SIPA1L1: variants seen among roughly 807,000 people sequenced by gnomAD.
SIPA1L1 encodes signal-induced proliferation-associated 1-like protein 1.
SIPA1L1 carries 26 observed loss-of-function variants against 162.7 expected under a neutral mutation model. The observed-to-expected ratio is 0.16, with a 90% CI of 0.12 to 0.22. The LOEUF is 0.22. Among genes scored for constraint, SIPA1L1 ranks in the 10% least tolerant of loss-of-function variants. SIPA1L1 has a pLI of 1.00. For synonymous variants in SIPA1L1, 829 were observed against 837.4 expected (o/e 0.99, Z 0.17); for missense variants, 1,874 against 2,241.0 (o/e 0.84, Z 3.31).
chr14:71,525,981 G>A (rs564809764), intron 3 of SIPA1L1, among the ~76,000 whole-genome samples: 1 of 152,158 alleles, frequency 6.6e-6, no homozygotes, highest in Admixed American at 6.5e-5. Flanking sequence ...ATCATAGCTC[G>A]TTCTCAAGTC....
intron 4 of SIPA1L1, among the ~76,000 whole-genome samples, chr14:71,546,085 G>GA (rs905920362): frequency 4.0e-5 from 6 of 150,012 alleles, no homozygotes; most frequent in African/African-American, 1.2e-4. Context: ...CCTGTCTCAG[G>GA]AAAAAAAAAG....
intron 2 of SIPA1L1, among the ~76,000 whole-genome samples, chr14:71,462,133 T>C (rs2046648519): frequency 6.6e-6 from 1 of 152,232 alleles, no homozygotes; most frequent in Non-Finnish European, 1.5e-5. Flanking sequence ...TCAGGTTGCA[T>C]GGTGACTTGA....
In SIPA1L1 at chr14:71,588,669, T is replaced by A; in HGVS notation, c.797T>A (p.Ile266Asn). The A allele has an allele frequency of 6.2e-7, 1 of 1,613,986 alleles. No homozygotes were observed. The highest frequency in any genetic ancestry group is 8.5e-7 in the Non-Finnish European group (1 of 1,179,960). Residue 266 changes from isoleucine to asparagine, a missense_variant, in exon 5 of 24, where the codon ATC becomes AAC. Physicochemically the swap from Ile to Asn is moderately radical, Grantham distance 149 (BLOSUM62 -3). Around this residue, in one of 5 missense-constraint regions of SIPA1L1, gnomAD observed 685 missense variants for 828.0 expected, o/e 0.83. Transcript: ENST00000381232. The surrounding 1 kb of genome is among the most constrained non-coding windows in gnomAD (Gnocchi z 4.3). ...TCTTTGGATGTAATAGACGGGCCTATCTCACAGAGAGAGAACCTCAGGCTT... is the reference window on the plus strand; with the variant it reads ...TCTTTGGATGTAATAGACGGGCCTAACTCACAGAGAGAGAACCTCAGGCTT... ...GFSLDVIDGP[I>N]SQRENLRLFK... is the part of the protein sequence containing the mutation.
intron 2 of SIPA1L1, among the ~76,000 whole-genome samples, chr14:71,365,244 G>A (rs1431010254): frequency 1.3e-5 from 2 of 151,776 alleles, no homozygotes; most frequent in African/African-American, 4.9e-5. Context: ...GAACTCCTGG[G>A]CTCAAGCAAT....
At chr14:71,525,860 A>T (rs2052813813) in intron 3 of SIPA1L1, among the ~76,000 whole-genome samples, 1 of 152,210 alleles carries the variant, frequency 6.6e-6, no homozygotes, top group African/African-American at 2.4e-5. Context: ...TACTTAGCAG[A>T]TTATGTTAAA....
At chr14:71,443,234 A>G (rs1384412980) in intron 2 of SIPA1L1, among the ~76,000 whole-genome samples, 1 of 152,080 alleles carries the variant, frequency 6.6e-6, no homozygotes, top group Non-Finnish European at 1.5e-5. Context: ...TCCATTTTAT[A>G]ATTTTGTAGT....
chr14:71,559,471 C>T (rs184139251), intron 4 of SIPA1L1, among the ~76,000 whole-genome samples: 2 of 152,292 alleles, frequency 1.3e-5, no homozygotes, highest in Non-Finnish European at 2.9e-5. Context: ...TGGCATTGGA[C>T]TCTCCCAGAA....
At chr14:71,472,560 T>G (rs915650615) in intron 2 of SIPA1L1, among the ~76,000 whole-genome samples, 14 of 151,980 alleles carry the variant, frequency 9.2e-5, no homozygotes, top group African/African-American at 3.4e-4. Flanking sequence ...TTGGGTGGTT[T>G]GTATAAGAAT....
In SIPA1L1 at chr14:71,516,872, C is replaced by T. The variant is rs887382887; in HGVS notation, c.-362+4027C>T. 1.8e-4 allele frequency among the ~76,000 whole-genome samples: 28 copies of T among 152,184 alleles called. 1 individual carries two copies. Among genetic ancestry groups the T allele is most frequent in the Admixed American group, 1.4e-3 (22 of 15,272 alleles). On this transcript the variant is annotated intron_variant, in intron 3 of 23. Transcript: ENST00000381232. ...CCTGTAATCCCAGCTACTCAGGAGG[C>T]GGAGTCAGGAGAATTGCTTGAACCT...
At chr14:71,595,001 C>T (rs10138557) in intron 5 of SIPA1L1, among the ~76,000 whole-genome samples, 125,875 of 152,170 alleles carry the variant, frequency 0.83, 52,559 homozygotes, top group East Asian at 0.94. Flanking sequence ...ACTGTGATCT[C>T]AAAGTCCCAG....
intron 2 of SIPA1L1, among the ~76,000 whole-genome samples, chr14:71,454,108 G>GATGATCTATGAACTCTC (rs2046021993): frequency 6.6e-6 from 1 of 150,404 alleles, no homozygotes; most frequent in African/African-American, 2.4e-5. Flanking sequence ...CAAACCCTGT[G>GATGATCTATGAACTCTC]TTCCCAGGTC....
chr14:71,446,216 G>A (rs149337791), intron 2 of SIPA1L1, among the ~76,000 whole-genome samples: 1 of 152,072 alleles, frequency 6.6e-6, no homozygotes, highest in East Asian at 1.9e-4. Context: ...GCTGATTTTA[G>A]CTAATTCAGA....
chr14:71,619,016 T>C, intron 6 of SIPA1L1, 129 bp downstream of exon 6: 1 of 928,186 alleles, frequency 1.1e-6, no homozygotes, highest in African/African-American at 1.7e-5. Flanking sequence ...AAAGTCCCCT[T>C]TCATTTATTC....
chr14:71,606,601 T>C (rs1176412925), intron 5 of SIPA1L1, among the ~76,000 whole-genome samples: 1 of 152,066 alleles, frequency 6.6e-6, no homozygotes, highest in African/African-American at 2.4e-5. Flanking sequence ...TTATGTTTGT[T>C]TCAGGGCCTG....
intron 2 of SIPA1L1, among the ~76,000 whole-genome samples, chr14:71,391,401 G>A (rs1230507750): frequency 6.6e-6 from 1 of 152,068 alleles, no homozygotes; most frequent in Admixed American, 6.5e-5. Flanking sequence ...CACCGCTCCC[G>A]GCCGCATTCA....
At chr14:71,506,764 TTCTC>T in intron 2 of SIPA1L1, among the ~76,000 whole-genome samples, 1 of 152,210 alleles carries the variant, frequency 6.6e-6, no homozygotes, top group Non-Finnish European at 1.5e-5. Flanking sequence ...GAATTTATAT[TTCTC>T]TATGAATTCT....
chr14:71,731,382 T>C (rs1223464439), intron 20 of SIPA1L1, among the ~76,000 whole-genome samples: 1 of 152,180 alleles, frequency 6.6e-6, no homozygotes. Context: ...AAATCTGGGT[T>C]GTCTTTGCGC....
intron 2 of SIPA1L1, among the ~76,000 whole-genome samples, chr14:71,499,921 C>T (rs961995877): frequency 5.9e-5 from 9 of 152,114 alleles, no homozygotes; most frequent in African/African-American, 2.2e-4. Flanking sequence ...GATTCAGTTC[C>T]TAACCATTTT....
intron 2 of SIPA1L1, among the ~76,000 whole-genome samples, chr14:71,470,325 A>G (rs2047353107): frequency 2.0e-5 from 3 of 152,188 alleles, no homozygotes; most frequent in Admixed American, 6.5e-5. Flanking sequence ...AGCTTGCTGT[A>G]GTGACTTTGG....
Sources: gnomAD v4.1 joint callset for allele counts (sites outside exome capture counted in the v4.1 genomes callset) on GRCh38, gnomAD v4.1.1 for gene constraint, gnomAD v4.1.1 regional missense constraint, Gnocchi (gnomAD v3.1) non-coding constraint, MANE v1.5 for transcripts, NCBI Gene and HGNC (gene_info 2026-07-23, HGNC 2026-07-21) for gene names.